Variants in NHLRC2 observed in about 807,000 individuals in gnomAD.
NHLRC2 encodes the protein NHL repeat-containing protein 2.
In NHLRC2, 33 loss-of-function variants were observed where a neutral mutation model predicts 68.1. The observed-to-expected ratio is 0.48, with a 90% CI of 0.37 to 0.65. NHLRC2 has a LOEUF of 0.65. Among genes scored for constraint, NHLRC2 ranks in the 30% least tolerant of loss-of-function variants. The pLI is 0.00. For synonymous variants in NHLRC2, 311 were observed against 309.6 expected (o/e 1.00, Z -0.05); for missense variants, 761 against 853.8 (o/e 0.89, Z 1.35).
chr10:113,862,268 G>A (rs957726865), intron 2 of NHLRC2, among the ~76,000 whole-genome samples: 32 of 152,058 alleles, frequency 2.1e-4, no homozygotes, highest in African/African-American at 7.7e-4. Context: ...GTAATTTGGG[G>A]CCATCAACAA....
Position 113,854,889 on chromosome 10 carries a change from G to T in NHLRC2, c.17G>T (p.Gly6Val), listed in dbSNP as rs756077757. MAAPG[G>V]RGRSLSGLLP... is the part of the protein sequence containing the mutation. ...GGCGGAAACATGGCGGCGCCCGGAGGCCGGGGCCGCAGCCTCTCCGGCCTG... is the reference window on the plus strand; with the variant it reads ...GGCGGAAACATGGCGGCGCCCGGAGTCCGGGGCCGCAGCCTCTCCGGCCTG... The change falls in exon 1 of 11, where the codon GGC becomes GTC. Residue 6 changes from glycine to valine, a missense_variant. By Grantham distance (109) the Gly-to-Val change is moderately radical. Coordinates refer to ENST00000369301, the MANE Select transcript of NHLRC2 (RefSeq NM_198514.4). 1.3e-6 allele frequency: 2 copies of T among 1,546,492 alleles called. No individual in the cohort carries two copies.
At chr10:113,865,245 G>T (rs1433937174) in intron 2 of NHLRC2, among the ~76,000 whole-genome samples, 3 of 151,598 alleles carry the variant, frequency 2.0e-5, no homozygotes, top group Non-Finnish European at 1.5e-5. Context: ...CACCGCGCCC[G>T]GCCACAAATG....
At chr10:113,905,310 C>G (rs1335400942) in intron 10 of NHLRC2, among the ~76,000 whole-genome samples, 1 of 152,128 alleles carries the variant, frequency 6.6e-6, no homozygotes, top group Non-Finnish European at 1.5e-5. Context: ...TACCTCATCC[C>G]TTATTCTGAT....
chr10:113,913,028 C>A lies in NHLRC2; in HGVS notation c.*4492C>A, dbSNP rs1846344266. 6.6e-6 allele frequency: 1 copy of A among 152,154 alleles called. No individual in the cohort carries two copies. Among genetic ancestry groups the A allele is most frequent in the African/African-American group, 2.4e-5 (1 of 41,424 alleles). 9.4% of individuals were successfully genotyped at this position (152,154 alleles called of 1,614,324 possible). On this transcript the variant is annotated 3_prime_UTR_variant, in exon 11 of 11. Coordinates refer to ENST00000369301, the MANE Select transcript of NHLRC2 (RefSeq NM_198514.4). ...ATATTTATTGAGTTCTTTCTATTTT[C>A]CAGCACTCATCTATTAAGTGCTTTT...
chr10:113,884,658 G>A (rs1846066152), intron 5 of NHLRC2, among the ~76,000 whole-genome samples: 1 of 151,100 alleles, frequency 6.6e-6, no homozygotes, highest in Non-Finnish European at 1.5e-5. Context: ...TCCAATTAAT[G>A]TAGTTCTGAA....
At chr10:113,884,978 T>C (rs769113291) in intron 5 of NHLRC2, among the ~76,000 whole-genome samples, 2 of 151,962 alleles carry the variant, frequency 1.3e-5, no homozygotes, top group Non-Finnish European at 3.0e-5. Flanking sequence ...CTCTTATTAG[T>C]ATTTTTATTT....
At chr10:113,886,934 A>C (rs1469583767) in intron 5 of NHLRC2, among the ~76,000 whole-genome samples, 1 of 152,220 alleles carries the variant, frequency 6.6e-6, no homozygotes. Context: ...ATGAAGAGAC[A>C]ACCTATGGGT....
At chr10:113,895,143 A>G (rs533767585) in intron 5 of NHLRC2, among the ~76,000 whole-genome samples, 6 of 152,346 alleles carry the variant, frequency 3.9e-5, no homozygotes, top group South Asian at 4.1e-4. Context: ...GTTCACATCT[A>G]TAGCAGACTT....
intron 5 of NHLRC2, among the ~76,000 whole-genome samples, chr10:113,891,802 C>T (rs966854561): frequency 2.6e-5 from 4 of 152,198 alleles, no homozygotes; most frequent in Non-Finnish European, 5.9e-5. Context: ...TGTTCAGCCT[C>T]AGCCTTGGGA....
chr10:113,908,186 A>G (rs915546255), intron 10 of NHLRC2, 94 bp from the exon 11 acceptor site: 77 of 910,488 alleles, frequency 8.5e-5, no homozygotes, highest in Non-Finnish European at 1.2e-4. Context: ...TTTTTAATAA[A>G]TATTTGTCGA....
rs1196875744 is a variant in NHLRC2 at position 113,914,767 on chromosome 10, G to A, written c.*6231G>A. ...CACAGTTTATTTAAATGAAGTATTA[G>A]CAATAATCATGTCACTATTTTGTCC... On this transcript the variant is annotated 3_prime_UTR_variant, in exon 11 of 11. Coordinates refer to ENST00000369301, the MANE Select transcript of NHLRC2 (RefSeq NM_198514.4). 1 of 318,168 alleles carries A rather than the reference G, an allele frequency of 3.1e-6. No individual in the cohort carries two copies. The highest frequency in any genetic ancestry group is 2.2e-5 in the African/African-American group (1 of 46,088). The allele number at this position is 318,168 out of a possible 1,614,324, so 19.7% of individuals were successfully genotyped here.
chr10:113,898,039 C>T, intron 5 of NHLRC2, 71 bp from the exon 6 acceptor site: 1 of 779,140 alleles, frequency 1.3e-6, no homozygotes, highest in Non-Finnish European at 2.0e-6. Context: ...ATAAATTTAA[C>T]ATTTTAAAAC....
chr10:113,855,195 C>G (rs1203781059), intron 1 of NHLRC2, 145 bp downstream of exon 1: 5 of 744,432 alleles, frequency 6.7e-6, no homozygotes, highest in Non-Finnish European at 1.1e-5. Flanking sequence ...GGCCGCTGTT[C>G]GCGTGTTCTG....
At chr10:113,884,417 T>G (rs760549089) in intron 5 of NHLRC2, 37 bp downstream of exon 5, 95 of 1,555,180 alleles carry the variant, frequency 6.1e-5, no homozygotes, top group Non-Finnish European at 8.0e-5. Flanking sequence ...AAAGGTAAAT[T>G]TTACTTCATG....
In NHLRC2 at chr10:113,876,860, T is replaced by C; in HGVS notation, c.671T>C (p.Leu224Pro). The change falls in exon 3 of 11, where the codon CTA becomes CCA. Residue 224 changes from leucine (L) to proline (P), a missense_variant. Leu to Pro is a moderately conservative substitution (Grantham distance 98, BLOSUM62 -3). Transcript: ENST00000369301. Reference sequence around the variant, plus strand: ...GATTCTTTGCCACCTTCACCATTGCTATTTCCTGGCAAAGTAACAGTAGAC... The same window carrying C: ...GATTCTTTGCCACCTTCACCATTGCCATTTCCTGGCAAAGTAACAGTAGAC... ...YKDSLPPSPLLFPGKVTVDQV... is the reference protein window; with the variant it reads ...YKDSLPPSPLPFPGKVTVDQV... The C allele has an allele frequency of 6.2e-7, 1 of 1,612,488 alleles. No individual in the cohort carries two copies. Among genetic ancestry groups the C allele is most frequent in the South Asian group, 1.1e-5 (1 of 91,056 alleles).
chr10:113,902,463 A>C lies in NHLRC2; in HGVS notation c.1372-8A>C. The C allele has an allele frequency of 6.5e-7, 1 of 1,542,890 alleles. No individual in the cohort carries two copies. The highest frequency in any genetic ancestry group is 8.7e-7 in the Non-Finnish European group (1 of 1,144,002). The stretch of plus-strand genomic sequence containing the variant: ...CTGCTGTTTCTTTTCTTTTAAAAAA[A>C]ATTAAAGAATTTATTTGCTTTTGGT... On this transcript the variant is annotated splice_polypyrimidine_tract_variant and splice_region_variant and intron_variant, in intron 7 of 10. Transcript: ENST00000369301.
At chr10:113,867,975 A>G (rs1199360812) in intron 2 of NHLRC2, among the ~76,000 whole-genome samples, 1 of 152,086 alleles carries the variant, frequency 6.6e-6, no homozygotes, top group Non-Finnish European at 1.5e-5. Context: ...AGAAGCAGTT[A>G]TATATTTATC....
At chr10:113,882,777 T>C (rs1426219957) in intron 4 of NHLRC2, among the ~76,000 whole-genome samples, 1 of 151,852 alleles carries the variant, frequency 6.6e-6, no homozygotes, top group Non-Finnish European at 1.5e-5. Flanking sequence ...TCCAAGGTCA[T>C]AATTATTTAC....
intron 2 of NHLRC2, 44 bp from the exon 3 acceptor site, chr10:113,876,477 C>T: frequency 8.8e-7 from 1 of 1,139,762 alleles, no homozygotes; most frequent in Non-Finnish European, 1.2e-6. Context: ...GATATTCAAA[C>T]TTAAATATTT....
Sources: gnomAD v4.1 joint callset for allele counts (sites outside exome capture counted in the v4.1 genomes callset) on GRCh38, gnomAD v4.1.1 for gene constraint, MANE v1.5 for transcripts, NCBI Gene and HGNC (gene_info 2026-07-23, HGNC 2026-07-21) for gene names.